The following DLG2 variants were observed in gnomAD, a reference collection of about 807,000 sequenced individuals.
The protein encoded by DLG2 is discs large MAGUK scaffold protein 2, also known as disks large homolog 2.
DLG2 carries 45 observed loss-of-function variants against 132.5 expected under a neutral mutation model. The ratio of observed to expected loss-of-function variants is 0.34; its 90% CI spans 0.27 to 0.44. DLG2 has a LOEUF of 0.44. DLG2 is among the 20% of genes least tolerant of loss of function. The pLI is 1.00. For synonymous variants in DLG2, 424 were observed against 419.6 expected, an observed-to-expected ratio of 1.01 and a Z score of -0.13; for missense variants, 1,045 against 1,196.9, an observed-to-expected ratio of 0.87 and a Z score of 1.87.
intron 6 of DLG2, among the ~76,000 whole-genome samples, chr11:84,858,645 G>T (rs1277273144): frequency 6.6e-6 from 1 of 152,060 alleles, no homozygotes; most frequent in Non-Finnish European, 1.5e-5. Flanking sequence ...ATTAACACAT[G>T]AGACATGTTT....
intron 7 of DLG2, among the ~76,000 whole-genome samples, chr11:84,360,464 T>G (rs2098643181): frequency 6.6e-6 from 1 of 151,942 alleles, no homozygotes; most frequent in East Asian, 1.9e-4. Flanking sequence ...AGAAAAAATA[T>G]ATGATTCAAC....
At chr11:83,582,175 C>A (rs1461676255) in intron 19 of DLG2, among the ~76,000 whole-genome samples, 1 of 151,870 alleles carries the variant, frequency 6.6e-6, no homozygotes, top group Non-Finnish European at 1.5e-5. Context: ...AGGCTGGTCT[C>A]AAACTCCCGA....
intron 10 of DLG2, among the ~76,000 whole-genome samples, chr11:84,081,780 C>T (rs986513620): frequency 2.6e-5 from 4 of 152,176 alleles, no homozygotes; most frequent in Admixed American, 2.0e-4. Flanking sequence ...AATAAACATA[C>T]GTGTGCATGT....
chr11:85,062,622 T>C (rs760051934), intron 6 of DLG2, among the ~76,000 whole-genome samples: 22 of 151,756 alleles, frequency 1.4e-4, no homozygotes, highest in Admixed American at 8.6e-4. Context: ...TTTTAAATAA[T>C]GTTTGTTTTA....
At chr11:83,559,854 A>C (rs746427664) in intron 19 of DLG2, among the ~76,000 whole-genome samples, 5 of 152,138 alleles carry the variant, frequency 3.3e-5, no homozygotes, top group Non-Finnish European at 7.4e-5. Flanking sequence ...AAACCCTAAG[A>C]ATGGCAGATA....
At chr11:84,131,066 A>G (rs532627328) in intron 9 of DLG2, among the ~76,000 whole-genome samples, 31 of 152,074 alleles carry the variant, frequency 2.0e-4, no homozygotes, top group Non-Finnish European at 3.4e-4. Context: ...CAATAGTGAT[A>G]GCCAGGGTGT....
chr11:83,830,660 G>A (rs899694164), intron 17 of DLG2, among the ~76,000 whole-genome samples: 17 of 152,246 alleles, frequency 1.1e-4, no homozygotes, highest in Non-Finnish European at 2.5e-4. Flanking sequence ...CATAGAGACT[G>A]TTGACAATAT....
rs557349493 is a variant in DLG2, at chr11:84,538,596, A to G, written c.358-3865T>C. ...TTCCTTTGTGCTTCCCTTACTCCCT[A>G]TGTTTTTTTTTTTTCTTGGAACTGC... is the stretch of plus-strand genomic sequence containing the variant. On this transcript the variant is annotated intron_variant, in intron 6 of 27. Transcript: ENST00000376104. Among the ~76,000 whole-genome samples, 73 of 149,704 alleles carry G rather than the reference A, an allele frequency of 4.9e-4. 1 individual carries two copies. Among genetic ancestry groups the G allele is most frequent in the African/African-American group, 1.6e-3 (67 of 40,628 alleles).
intron 6 of DLG2, among the ~76,000 whole-genome samples, chr11:84,954,351 A>T (rs1426154064): frequency 4.9e-5 from 3 of 60,728 alleles, no homozygotes; most frequent in East Asian, 4.5e-4. Flanking sequence ...CTTAAAGGAT[A>T]AAAAAAAAAA....
At chr11:84,106,881 G>GAGAGAC (rs1192728142) in intron 9 of DLG2, among the ~76,000 whole-genome samples, 2 of 148,344 alleles carry the variant, frequency 1.3e-5, no homozygotes, top group African/African-American at 2.5e-5. Context: ...GAGAGAGAGA[G>GAGAGAC]AGAGAGTTTT....
At chr11:84,767,370 A>C (rs1276046780) in intron 6 of DLG2, among the ~76,000 whole-genome samples, 1 of 152,074 alleles carries the variant, frequency 6.6e-6, no homozygotes, top group Non-Finnish European at 1.5e-5. Context: ...GTTATTCCAT[A>C]AACTACCACG....
chr11:84,850,532 T>C (rs2082049952), intron 6 of DLG2, among the ~76,000 whole-genome samples: 1 of 152,134 alleles, frequency 6.6e-6, no homozygotes, highest in African/African-American at 2.4e-5. Flanking sequence ...TATCCAACAA[T>C]GTACTGGAAT....
At position 83,459,861 on chromosome 11, in the gene DLG2, T is replaced by C; in HGVS notation, c.2885A>G (p.Gln962Arg). ...YNQCKLVIEE[Q>R]SGPFIWIPSK... is the part of the protein sequence containing the mutation. ...GGGAATCCAGATGAAAGGCCCAGATTGCTCTTCAATAACAAGCTTGCATTG... is the reference window on the plus strand; with the variant it reads ...GGGAATCCAGATGAAAGGCCCAGATCGCTCTTCAATAACAAGCTTGCATTG... The change falls in exon 28 of 28, where the codon CAA becomes CGA. Residue 962 changes from glutamine (Q) to arginine (R), a missense_variant. Around this residue, in one of 4 missense-constraint regions of DLG2, gnomAD observed 398 missense variants for 543.6 expected, o/e 0.73. Transcript: ENST00000376104. The C allele has an allele frequency of 1.2e-6, 2 of 1,612,570 alleles. No individual in the cohort carries two copies. The highest frequency in any genetic ancestry group is 1.7e-6 in the Non-Finnish European group (2 of 1,178,570).
chr11:84,185,182 A>G (rs1181474283), intron 8 of DLG2, among the ~76,000 whole-genome samples: 1 of 151,996 alleles, frequency 6.6e-6, no homozygotes, highest in East Asian at 1.9e-4. Context: ...TTTTCATGAT[A>G]TTGATTCCTC....
intron 6 of DLG2, among the ~76,000 whole-genome samples, chr11:84,608,972 T>G (rs1279379901): frequency 6.6e-6 from 1 of 152,142 alleles, no homozygotes; most frequent in Non-Finnish European, 1.5e-5. Flanking sequence ...GGCCATAGAT[T>G]TAGTAAGTGG....
At chr11:83,777,333 T>C (rs1442666749) in intron 18 of DLG2, among the ~76,000 whole-genome samples, 1 of 152,218 alleles carries the variant, frequency 6.6e-6, no homozygotes, top group African/African-American at 2.4e-5. Context: ...TCAGGAATTC[T>C]ATGTGAATTA....
At chr11:84,553,115 T>G (rs755304003) in intron 6 of DLG2, among the ~76,000 whole-genome samples, 35 of 152,212 alleles carry the variant, frequency 2.3e-4, no homozygotes, top group Non-Finnish European at 5.9e-5. Context: ...AGAAATACCT[T>G]GCTCTTTTTA....
chr11:83,467,697 C>T (rs1389727997), intron 25 of DLG2, among the ~76,000 whole-genome samples: 1 of 148,576 alleles, frequency 6.7e-6, no homozygotes, highest in African/African-American at 2.5e-5. Flanking sequence ...TTGCAGTGAG[C>T]TGAGACCGTG....
At chr11:84,494,866 C>G (rs2099176521) in intron 7 of DLG2, among the ~76,000 whole-genome samples, 1 of 152,160 alleles carries the variant, frequency 6.6e-6, no homozygotes, top group African/African-American at 2.4e-5. Context: ...CCAATTTTAC[C>G]AATTTTCAGT....
Sources: allele counts gnomAD v4.1 joint callset (sites outside exome capture counted in the v4.1 genomes callset), GRCh38; gene constraint gnomAD v4.1.1; regional missense constraint gnomAD v4.1.1; transcripts MANE v1.5; gene names NCBI Gene and HGNC (gene_info 2026-07-23, HGNC 2026-07-21).